Variants in MFHAS1 observed in about 807,000 individuals in gnomAD.
MFHAS1 encodes multifunctional ROCO family signaling regulator 1.
A neutral mutation model predicts 70.4 loss-of-function variants in MFHAS1; 50 were observed. That is an observed-to-expected ratio of 0.71 (90% CI 0.57 to 0.90). The LOEUF (loss-of-function observed/expected upper bound fraction) is 0.90, where lower values mean the gene tolerates loss of function less well. MFHAS1 is among the 40% of genes least tolerant of loss of function. The pLI is 0.00. For missense variants in MFHAS1, 1,795 were observed against 1,347.6 expected (o/e 1.33, Z -5.20); for synonymous variants, 952 against 620.0 (o/e 1.54, Z -7.96).
chr8:8,790,385 A>G (rs1047047007), intron 2 of MFHAS1: 8 of 985,234 alleles, frequency 8.1e-6, no homozygotes, highest in Non-Finnish European at 9.6e-6. Flanking sequence ...GGCATAAGGA[A>G]AAGAAGCACT....
chr8:8,887,862 A>AC lies in MFHAS1; in HGVS notation c.2998+2198_2998+2199insG, dbSNP rs1228268000. On this transcript the variant is annotated intron_variant, in intron 1 of 2. Coordinates refer to ENST00000276282, the MANE Select transcript of MFHAS1 (RefSeq NM_004225.3). Reference sequence around the variant, plus strand: ...GAGCTGACGTTAGCAAAAAAAACAAAAAAAAAAAAAAAAAAACCTCCAGCC... The same window carrying AC: ...GAGCTGACGTTAGCAAAAAAAACAAACAAAAAAAAAAAAAAAACCTCCAGCC... Among the ~76,000 whole-genome samples the AC allele has an allele frequency of 4.7e-5, 7 of 149,058 alleles. No individual in the cohort carries two copies. In the East Asian group the frequency reaches 9.7e-4, roughly 21 times the overall value.
chr8:8,798,850 C>A (rs1805991753), intron 1 of MFHAS1, among the ~76,000 whole-genome samples: 1 of 151,964 alleles, frequency 6.6e-6, no homozygotes, highest in Non-Finnish European at 1.5e-5. Flanking sequence ...AGTTCGAGAC[C>A]AGCCTGGCCA....
At chr8:8,852,949 T>A (rs117640571) in intron 1 of MFHAS1, among the ~76,000 whole-genome samples, 7,497 of 152,294 alleles carry the variant, frequency 0.049, 250 homozygotes, top group Middle Eastern at 0.088. Flanking sequence ...AGAACATTTA[T>A]ACCCGGATGT....
At chr8:8,862,440 T>C (rs1053307609) in intron 1 of MFHAS1, among the ~76,000 whole-genome samples, 4 of 151,882 alleles carry the variant, frequency 2.6e-5, no homozygotes, top group African/African-American at 7.3e-5. Flanking sequence ...TCCTAGACTA[T>C]AGATTGTCTC....
intron 1 of MFHAS1, among the ~76,000 whole-genome samples, chr8:8,811,738 C>G (rs1160873919): frequency 6.6e-6 from 1 of 152,176 alleles, no homozygotes; most frequent in Non-Finnish European, 1.5e-5. Flanking sequence ...CACGGCAGGC[C>G]CTAGATATAT....
chr8:8,891,492 C>T lies in MFHAS1; in HGVS notation c.1567G>A (p.Val523Ile). The T allele has an allele frequency of 6.2e-7, 1 of 1,613,084 alleles. No homozygotes were observed. Residue 523 changes from valine to isoleucine, a missense_variant, in exon 1 of 3, where the codon GTC becomes ATC. Transcript: ENST00000276282. This position sits in a 1 kb window ranked among gnomAD's most constrained non-coding sequence, Gnocchi z 5.4. ...ACCGCGTGGGGCACTCTCGCCCCGA[C>T]CCGATGCAAGAAGGAGCCCACGGTG... ...PTTVGSFLHR[V>I]GARVPHAVVC... is the part of the protein sequence containing the mutation.
rs529493180 is a variant in MFHAS1 at position 8,890,135 on chromosome 8, C to A, written c.2924G>T (p.Gly975Val). Residue 975 changes from glycine (G) to valine (V), a missense_variant, in exon 1 of 3, where the codon GGA (glycine) becomes GTA (valine). Coordinates refer to ENST00000276282, the MANE Select transcript of MFHAS1 (RefSeq NM_004225.3). ...ELNVLLQEWP[G>V]LHYTVHILCS... is the part of the protein sequence containing the mutation. ...GAGAATGTGCACGGTGTAGTGCAGT[C>A]CAGGCCATTCCTGAAGTAGGACATT... The A allele has an allele frequency of 2.5e-6, 4 of 1,614,154 alleles. No homozygotes were observed. Among genetic ancestry groups the A allele is most frequent in the South Asian group, 1.1e-5 (1 of 91,080 alleles).
intron 1 of MFHAS1, among the ~76,000 whole-genome samples, chr8:8,809,355 A>G (rs1394956739): frequency 6.6e-6 from 1 of 152,152 alleles, no homozygotes; most frequent in African/African-American, 2.4e-5. Flanking sequence ...TTGGTGATAT[A>G]GACATACAGT....
chr8:8,785,393 T>TTC lies in MFHAS1; in HGVS notation c.*628_*629insGA. 1 of 152,066 alleles carries TTC rather than the reference T, an allele frequency of 6.6e-6. No homozygotes were observed. The highest frequency in any genetic ancestry group is 1.9e-4 in the East Asian group (1 of 5,154). The allele number at this position is 152,066 out of a possible 1,614,324, so 9.4% of individuals were successfully genotyped here. On this transcript the variant is annotated 3_prime_UTR_variant, in exon 3 of 3. Transcript: ENST00000276282. The stretch of plus-strand genomic sequence containing the variant: ...TCCATGGGCTAACAGAGAGATTTTT[T>TTC]TTTTAATGTGAAGAGGATTAAAGAA...
At chr8:8,846,028 G>A (rs1026478144) in intron 1 of MFHAS1, among the ~76,000 whole-genome samples, 7 of 151,896 alleles carry the variant, frequency 4.6e-5, no homozygotes, top group Non-Finnish European at 7.4e-5. Flanking sequence ...CAAGGCAGGC[G>A]GATCACTTGA....
intron 1 of MFHAS1, among the ~76,000 whole-genome samples, chr8:8,809,807 C>G (rs1029969398): frequency 4.6e-5 from 7 of 152,210 alleles, no homozygotes; most frequent in South Asian, 2.1e-4. Context: ...CAGTGCTGCA[C>G]TGAAGTGCTT....
At chr8:8,812,603 T>G (rs1159928154) in intron 1 of MFHAS1, among the ~76,000 whole-genome samples, 2 of 152,164 alleles carry the variant, frequency 1.3e-5, no homozygotes, top group Admixed American at 6.5e-5. Flanking sequence ...TGACTGGGGT[T>G]TTTGCCCTAG....
chr8:8,808,223 T>A (rs9644775), intron 1 of MFHAS1, among the ~76,000 whole-genome samples: 78,786 of 123,900 alleles, frequency 0.64, 26,202 homozygotes, highest in East Asian at 0.84. Context: ...GACGCTCCCC[T>A]GGGAACCCTC....
At chr8:8,816,407 C>A (rs1348957691) in intron 1 of MFHAS1, among the ~76,000 whole-genome samples, 5 of 152,290 alleles carry the variant, frequency 3.3e-5, no homozygotes, top group African/African-American at 1.2e-4. Flanking sequence ...TGACCATCCT[C>A]CCCAAGAAAA....
intron 1 of MFHAS1, among the ~76,000 whole-genome samples, chr8:8,816,266 A>T (rs1159662039): frequency 6.6e-6 from 1 of 152,158 alleles, no homozygotes; most frequent in African/African-American, 2.4e-5. Flanking sequence ...AAATCTATCA[A>T]ATTGGACCCT....
In MFHAS1 at chr8:8,891,646, C is replaced by T. The variant is rs962478240; in HGVS notation, c.1413G>A (p.Leu471=). The T allele has an allele frequency of 1.2e-6, 2 of 1,613,654 alleles. No homozygotes were observed. The highest frequency in any genetic ancestry group is 1.7e-6 in the Non-Finnish European group (2 of 1,180,034). ...CAGCTAAGTCATACACGATGAACCG[C>T]AGGCCCCGGGAGGCATCGGCCGTCC... The part of the protein sequence containing the change: ...TSWTADASRG[L]RFIVYDLAGD... The change falls in exon 1 of 3, where the codon CTG becomes CTA. Residue 471 remains leucine (L), a synonymous_variant. Coordinates refer to ENST00000276282, the MANE Select transcript of MFHAS1 (RefSeq NM_004225.3). This position sits in a 1 kb window ranked among gnomAD's most constrained non-coding sequence, Gnocchi z 5.4.
At chr8:8,886,183 ATTTCT>A in intron 1 of MFHAS1, among the ~76,000 whole-genome samples, 1 of 151,228 alleles carries the variant, frequency 6.6e-6, no homozygotes. Flanking sequence ...TTTTCCAATC[ATTTCT>A]TTTTTTTTTT....
intron 1 of MFHAS1, among the ~76,000 whole-genome samples, chr8:8,873,013 G>A (rs1809145482): frequency 2.0e-5 from 3 of 152,144 alleles, no homozygotes; most frequent in South Asian, 4.1e-4. Flanking sequence ...TCAGGGAAGG[G>A]GACAGATGCA....
At chr8:8,809,429 A>G (rs1440085682) in intron 1 of MFHAS1, among the ~76,000 whole-genome samples, 2 of 152,102 alleles carry the variant, frequency 1.3e-5, no homozygotes, top group Non-Finnish European at 2.9e-5. Context: ...TATGTCCTTA[A>G]GAAAATGTGC....
Sources: gnomAD v4.1 joint callset for allele counts (sites outside exome capture counted in the v4.1 genomes callset) on GRCh38, gnomAD v4.1.1 for gene constraint, Gnocchi (gnomAD v3.1) non-coding constraint, MANE v1.5 for transcripts, NCBI Gene and HGNC (gene_info 2026-07-23, HGNC 2026-07-21) for gene names.